SLC25A21: variants seen among roughly 807,000 people sequenced by gnomAD.
SLC25A21 encodes the protein mitochondrial 2-oxodicarboxylate carrier.
In SLC25A21, 47 loss-of-function variants were observed where a neutral mutation model predicts 43.8. That is an observed-to-expected ratio of 1.07 (90% CI 0.85 to 1.37). SLC25A21 has a LOEUF of 1.37. Ranked by LOEUF, SLC25A21 falls within the 40% of genes most tolerant of loss-of-function variation. The pLI is 0.00. For missense variants in SLC25A21, 352 were observed against 350.2 expected (o/e 1.00, Z -0.04); for synonymous variants, 131 against 121.3 (o/e 1.08, Z -0.52).
At chr14:36,889,517 T>C (rs1412574578) in intron 1 of SLC25A21, among the ~76,000 whole-genome samples, 1 of 152,166 alleles carries the variant, frequency 6.6e-6, no homozygotes, top group Non-Finnish European at 1.5e-5. Flanking sequence ...GACAGGGTCT[T>C]ATTCTGTTGT....
chr14:37,034,894 C>T (rs1961295779), intron 1 of SLC25A21, among the ~76,000 whole-genome samples: 1 of 152,200 alleles, frequency 6.6e-6, no homozygotes, highest in Admixed American at 6.5e-5. Flanking sequence ...AACCGTATTG[C>T]TGAATACTTA....
chr14:37,039,323 A>C (rs139745271), intron 1 of SLC25A21, among the ~76,000 whole-genome samples: 1 of 152,310 alleles, frequency 6.6e-6, no homozygotes, highest in East Asian at 1.9e-4. Flanking sequence ...ATTTTTTGAC[A>C]TTTGTATACT....
chr14:37,047,609 T>C (rs886431075), intron 1 of SLC25A21, among the ~76,000 whole-genome samples: 15 of 152,206 alleles, frequency 9.9e-5, no homozygotes, highest in African/African-American at 3.4e-4. Flanking sequence ...ACATAAAGTA[T>C]GTAACATAAC....
At chr14:37,044,047 G>C (rs905636700) in intron 1 of SLC25A21, among the ~76,000 whole-genome samples, 1 of 148,186 alleles carries the variant, frequency 6.7e-6, no homozygotes, top group Non-Finnish European at 1.5e-5. Flanking sequence ...GCCTCTCAAA[G>C]TGCTGGGATT....
At chr14:36,979,331 G>GTTT (rs372495518) in intron 1 of SLC25A21, among the ~76,000 whole-genome samples, 2 of 122,886 alleles carry the variant, frequency 1.6e-5, no homozygotes, top group African/African-American at 6.3e-5. Context: ...GTGTTTTTTT[G>GTTT]GTTTTTTTTT....
chr14:37,041,970 A>C (rs1023927557), intron 1 of SLC25A21, among the ~76,000 whole-genome samples: 2 of 152,190 alleles, frequency 1.3e-5, no homozygotes, highest in Non-Finnish European at 2.9e-5. Flanking sequence ...GCTCCAATGA[A>C]TCAATCCTCA....
chr14:37,111,300 G>A (rs1433741075), intron 1 of SLC25A21, among the ~76,000 whole-genome samples: 1 of 152,112 alleles, frequency 6.6e-6, no homozygotes, highest in Non-Finnish European at 1.5e-5. Context: ...TCGCCCCCAT[G>A]CAGACTGCAA....
intron 1 of SLC25A21, among the ~76,000 whole-genome samples, chr14:37,046,062 A>T (rs1961579232): frequency 6.6e-6 from 1 of 152,224 alleles, no homozygotes; most frequent in Non-Finnish European, 1.5e-5. Context: ...GAATATGATG[A>T]TCCTCATTTT....
chr14:36,918,857 C>A (rs1484931982), intron 1 of SLC25A21, among the ~76,000 whole-genome samples: 1 of 151,900 alleles, frequency 6.6e-6, no homozygotes, highest in Admixed American at 6.6e-5. Flanking sequence ...AGGAAAAGCC[C>A]GAAAGATCCT....
intron 1 of SLC25A21, among the ~76,000 whole-genome samples, chr14:37,049,937 G>A (rs1403259959): frequency 1.3e-5 from 2 of 152,142 alleles, no homozygotes; most frequent in Non-Finnish European, 2.9e-5. Context: ...TATAGCTAAT[G>A]GCTACTATAT....
At chr14:37,076,882 A>G (rs1412288297) in intron 1 of SLC25A21, among the ~76,000 whole-genome samples, 1 of 152,130 alleles carries the variant, frequency 6.6e-6, no homozygotes, top group Non-Finnish European at 1.5e-5. Context: ...TTCCTAGGCC[A>G]CTCTTGTCAG....
rs1219859128 is a variant in SLC25A21, at chr14:36,706,162, G to A, written c.603+5156C>T. Among the ~76,000 whole-genome samples, 4 of 152,028 alleles carry A rather than the reference G, an allele frequency of 2.6e-5. No homozygotes were observed. In the East Asian group the frequency reaches 7.7e-4, roughly 29 times the overall value. ...CATTTAAGTACACAAGGAATAGTTC[G>A]GGGGAAAAAATTCCTCCTGCAATTC... is the stretch of plus-strand genomic sequence containing the variant. On this transcript the variant is annotated intron_variant, in intron 7 of 9. Transcript: ENST00000331299.
At chr14:36,700,859 A>G (rs1883251165) in intron 7 of SLC25A21, among the ~76,000 whole-genome samples, 2 of 152,240 alleles carry the variant, frequency 1.3e-5, no homozygotes, top group African/African-American at 2.4e-5. Context: ...TAGCAACCGC[A>G]AGGCAAATAA....
At chr14:36,887,821 T>C (rs1010177268) in intron 1 of SLC25A21, among the ~76,000 whole-genome samples, 4 of 152,162 alleles carry the variant, frequency 2.6e-5, no homozygotes, top group African/African-American at 7.2e-5. Flanking sequence ...TCTTTCTCTC[T>C]CACAACTTCT....
At chr14:37,102,513 C>A (rs1962835374) in intron 1 of SLC25A21, among the ~76,000 whole-genome samples, 1 of 151,730 alleles carries the variant, frequency 6.6e-6, no homozygotes, top group African/African-American at 2.4e-5. Flanking sequence ...TTTCCCTGTT[C>A]CTTTACCTCT....
intron 1 of SLC25A21, among the ~76,000 whole-genome samples, chr14:37,143,906 G>A (rs1312399248): frequency 6.6e-6 from 1 of 152,172 alleles, no homozygotes; most frequent in African/African-American, 2.4e-5. Context: ...ACATTACAAA[G>A]TATAATTAAT....
At chr14:36,973,015 ATTTATTTAT>A (rs529813576) in intron 1 of SLC25A21, among the ~76,000 whole-genome samples, 3 of 119,424 alleles carry the variant, frequency 2.5e-5, no homozygotes, top group African/African-American at 1.7e-4. Context: ...ATTTTTATTT[ATTTATTTAT>A]TTTATTTTAT....
chr14:36,735,809 A>G (rs1329284771), intron 3 of SLC25A21, among the ~76,000 whole-genome samples: 3 of 108,940 alleles, frequency 2.8e-5, no homozygotes, highest in African/African-American at 1.3e-4. Flanking sequence ...TTATCCCAGA[A>G]TCCTTTTTTT....
At chr14:37,080,554 C>T (rs1031229925) in intron 1 of SLC25A21, among the ~76,000 whole-genome samples, 1 of 152,164 alleles carries the variant, frequency 6.6e-6, no homozygotes, top group East Asian at 1.9e-4. Flanking sequence ...GAGCCATGAT[C>T]GTGCCACTGC....
Sources: gnomAD v4.1 joint callset for allele counts (sites outside exome capture counted in the v4.1 genomes callset) on GRCh38, gnomAD v4.1.1 for gene constraint, MANE v1.5 for transcripts, NCBI Gene and HGNC (gene_info 2026-07-23, HGNC 2026-07-21) for gene names.